Variants in NUP58 observed in about 807,000 individuals in gnomAD.
NUP58 encodes nucleoporin p58/p45.
A neutral mutation model predicts 70.1 loss-of-function variants in NUP58; 17 were observed. That is an observed-to-expected ratio of 0.24 (90% CI 0.17 to 0.36). The LOEUF is 0.36. Among genes scored for constraint, NUP58 ranks in the 10% least tolerant of loss-of-function variants. The pLI, the probability that NUP58 is intolerant of heterozygous loss-of-function variation, is 1.00. For missense variants in NUP58, 644 were observed against 701.5 expected (o/e 0.92, Z 0.93); for synonymous variants, 275 against 257.6 (o/e 1.07, Z -0.65).
chr13:25,348,600 G>A lies in NUP58; in HGVS notation n.322-962G>A, dbSNP rs562698773. Among the ~76,000 whole-genome samples, 231 of 152,308 alleles carry A rather than the reference G, an allele frequency of 1.5e-3. 1 individual carries two copies. Among genetic ancestry groups the A allele is most frequent in the African/African-American group, 5.4e-3 (223 of 41,562 alleles). ...TAGTATAAAATTTAAAGTTATATAT[G>A]TGGATCGCATTATATTTCTGTTAGA... On this transcript the variant is annotated intron_variant and non_coding_transcript_variant, in intron 3 of 3. Coordinates refer to the NUP58 transcript ENST00000477876.
At position 25,313,000 on chromosome 13, in the gene NUP58, C is replaced by T. The variant is rs745774887; in HGVS notation, c.404C>T (p.Thr135Ile). Residue 135 changes from threonine (T) to isoleucine (I), a missense_variant, in exon 4 of 16, where the codon ACT (threonine) becomes ATT (isoleucine). By Grantham distance (89) the Thr-to-Ile change is moderately conservative (BLOSUM62 -1). Around this residue, in one of 4 missense-constraint regions of NUP58, gnomAD observed 430 missense variants for 409.2 expected, o/e 1.05. Transcript: ENST00000381736. ...ACCTCTACCTCAGCTAGCGGTCTGA[C>T]TCTTTCGTCTGCTCTGACATCAACT... is the stretch of plus-strand genomic sequence containing the variant. ...PITSTSASGL[T>I]LSSALTSTPA... The T allele has an allele frequency of 1.2e-6, 2 of 1,614,146 alleles. No individual in the cohort carries two copies. The highest frequency in any genetic ancestry group is 1.7e-5 in the Admixed American group (1 of 60,022).
intron 7 of NUP58, 92 bp from the exon 8 acceptor site, chr13:25,320,438 T>C: frequency 1.3e-6 from 1 of 790,674 alleles, no homozygotes; most frequent in Middle Eastern, 2.5e-4. Flanking sequence ...CTATATTTTC[T>C]TGTGTCTTAA....
chr13:25,336,165 AGGTACACAGC>A (rs1566071641), intron 13 of NUP58: 7 of 1,356,486 alleles, frequency 5.2e-6, no homozygotes, highest in Non-Finnish European at 6.9e-6. Flanking sequence ...GAATCTGTCA[AGGTACACAGC>A]GGTGCCTTTG....
intron 13 of NUP58, chr13:25,335,271 C>T (rs2031740817): frequency 1.0e-6 from 1 of 985,146 alleles, no homozygotes; most frequent in Non-Finnish European, 1.2e-6. Context: ...ATCTTATGTT[C>T]TGTTGCTCTT....
intron 13 of NUP58, chr13:25,332,242 T>A (rs2031634295): frequency 2.0e-6 from 2 of 985,404 alleles, no homozygotes; most frequent in South Asian, 9.4e-5. Context: ...AAATAATTGG[T>A]GACATGGAAA....
chr13:25,305,430 A>G (rs1206621098), intron 1 of NUP58, among the ~76,000 whole-genome samples: 2 of 152,052 alleles, frequency 1.3e-5, no homozygotes, highest in Admixed American at 6.6e-5. Flanking sequence ...TCAACCTCCC[A>G]AAGTGCTGGG....
chr13:25,341,292 T>C lies in NUP58; in HGVS notation c.*1158T>C, dbSNP rs2031948030. ...TTCTGTGAGATGTTTTTTTCTTATCTGAGATGAACTTTCAGGAGCCTATTT... is the reference window on the plus strand; with the variant it reads ...TTCTGTGAGATGTTTTTTTCTTATCCGAGATGAACTTTCAGGAGCCTATTT... On this transcript the variant is annotated 3_prime_UTR_variant, in exon 16 of 16. Coordinates refer to ENST00000381736, the MANE Select transcript of NUP58 (RefSeq NM_014089.4). 6.6e-6 allele frequency: 1 copy of C among 152,598 alleles called. No individual in the cohort carries two copies. The highest frequency in any genetic ancestry group is 1.5e-5 in the Non-Finnish European group (1 of 68,012). 9.5% of individuals were successfully genotyped at this position (152,598 alleles called of 1,614,324 possible).
chr13:25,337,222 C>T (rs894979507), intron 14 of NUP58, among the ~76,000 whole-genome samples, 188 bp downstream of exon 14: 1 of 152,146 alleles, frequency 6.6e-6, no homozygotes, highest in African/African-American at 2.4e-5. Context: ...ATCATTCCAT[C>T]TTCTGTGAAC....
At chr13:25,336,104 AT>A in intron 13 of NUP58, 4 of 1,271,508 alleles carry the variant, frequency 3.1e-6, no homozygotes, top group Non-Finnish European at 4.1e-6. Context: ...TTCTGAGTAC[AT>A]TTTCCAAAAC....
chr13:25,309,463 A>G, intron 3 of NUP58, 181 bp downstream of exon 3: 1 of 504,026 alleles, frequency 2.0e-6, no homozygotes, highest in Non-Finnish European at 3.4e-6. Context: ...AAAAAAAGGA[A>G]TGACTTCGTA....
At chr13:25,313,574 T>C in intron 4 of NUP58, 40 bp from the exon 5 acceptor site, 1 of 1,418,878 alleles carries the variant, frequency 7.0e-7, no homozygotes, top group Non-Finnish European at 9.2e-7. Context: ...TGCTGTTAAA[T>C]AAGTTGCCTT....
In NUP58 at chr13:25,338,589, C is replaced by T. The variant is rs114984226; in HGVS notation, c.1535-47C>T. 7.5e-4 allele frequency: 1,025 copies of T among 1,369,714 alleles called. 9 individuals carry two copies. In the African/African-American group the frequency reaches 0.013, roughly 18 times the overall value. The allele number at this position is 1,369,714 out of a possible 1,614,324, so 84.8% of individuals were successfully genotyped here. On this transcript the variant is annotated intron_variant, in intron 14 of 15. Coordinates refer to ENST00000381736, the MANE Select transcript of NUP58 (RefSeq NM_014089.4). ...GTTGTACTTGTCCATATCCTTTAACCTGTGTTTTATGTGCCATTGTATATT... is the reference window on the plus strand; with the variant it reads ...GTTGTACTTGTCCATATCCTTTAACTTGTGTTTTATGTGCCATTGTATATT...
In NUP58 at chr13:25,301,670, C is replaced by T. The variant is rs940812554; in HGVS notation, c.-104C>T. 3 of 572,612 alleles carry T rather than the reference C, an allele frequency of 5.2e-6. No homozygotes were observed. The highest frequency in any genetic ancestry group is 3.1e-5 in the South Asian group (1 of 32,452). 35.5% of individuals were successfully genotyped at this position (572,612 alleles called of 1,614,324 possible). ...TGGGGCTGGAAGTTCCCGCCAGGTC[C>T]GTGCCGGGCGAGAGAGATGCTGCCC... On this transcript the variant is annotated 5_prime_UTR_variant, in exon 1 of 16. Transcript: ENST00000381736.
chr13:25,303,685 G>T (rs1465382657), intron 1 of NUP58, among the ~76,000 whole-genome samples: 1 of 152,068 alleles, frequency 6.6e-6, no homozygotes, highest in East Asian at 1.9e-4. Context: ...ATTGTAATCA[G>T]TTTGTTATAT....
chr13:25,302,068 G>A (rs2030040626), intron 1 of NUP58, among the ~76,000 whole-genome samples, 188 bp downstream of exon 1: 1 of 152,258 alleles, frequency 6.6e-6, no homozygotes, highest in Admixed American at 6.5e-5. Context: ...GCGCGGCCTG[G>A]TGAAGTGGAG....
At chr13:25,342,564 T>A (rs1347256016), downstream of NUP58, 1 of 152,496 alleles carries the variant, frequency 6.6e-6, no homozygotes, top group Non-Finnish European at 1.5e-5. Flanking sequence ...AGTAAATTAT[T>A]TCTCACTTGC....
chr13:25,319,458 A>G (rs984337220), intron 7 of NUP58, 108 bp downstream of exon 7: 6 of 1,037,002 alleles, frequency 5.8e-6, no homozygotes, highest in Non-Finnish European at 7.2e-6. Flanking sequence ...TTTAGGAGAA[A>G]AAACTTTTTT....
intron 7 of NUP58, 50 bp from the exon 8 acceptor site, chr13:25,320,480 A>G: frequency 7.4e-7 from 1 of 1,352,978 alleles, no homozygotes; most frequent in Non-Finnish European, 1.1e-6. Context: ...CTCAGCTGTC[A>G]ACTTTTTAAA....
At chr13:25,334,513 G>A in intron 13 of NUP58, 2 of 985,060 alleles carry the variant, frequency 2.0e-6, no homozygotes, top group Non-Finnish European at 2.4e-6. Flanking sequence ...AGTTTCTTGT[G>A]GTTTTGTGAT....
Sources: gnomAD v4.1 joint callset for allele counts (sites outside exome capture counted in the v4.1 genomes callset) on GRCh38, gnomAD v4.1.1 for gene constraint, gnomAD v4.1.1 regional missense constraint, MANE v1.5 for transcripts, NCBI Gene and HGNC (gene_info 2026-07-23, HGNC 2026-07-21) for gene names.